Variants in MEOX1 observed in about 807,000 individuals in gnomAD.
MEOX1 encodes mesenchyme homeobox 1, also known as homeobox protein MOX-1.
In MEOX1, 17 loss-of-function variants were observed where a neutral mutation model predicts 23.2. That is an observed-to-expected ratio of 0.73 (90% CI 0.50 to 1.10). The LOEUF is 1.10. Ranked by LOEUF, MEOX1 falls within the 50% of genes least tolerant of loss-of-function variation. MEOX1 has a pLI of 0.00. For missense variants in MEOX1, 333 were observed against 332.2 expected (o/e 1.00, Z -0.02); for synonymous variants, 134 against 135.1 (o/e 0.99, Z 0.06).
intron 1 of MEOX1, among the ~76,000 whole-genome samples, chr17:43,644,907 C>G (rs1043575986): frequency 6.6e-6 from 1 of 152,032 alleles, no homozygotes; most frequent in African/African-American, 2.4e-5. Flanking sequence ...CAGAGCAAGA[C>G]TACGTCTTGA....
At chr17:43,656,262 A>G (rs1348679750) in intron 1 of MEOX1, among the ~76,000 whole-genome samples, 1 of 152,186 alleles carries the variant, frequency 6.6e-6, no homozygotes, top group East Asian at 1.9e-4. Context: ...TAGGACTTCA[A>G]CAGGCAGAAG....
chr17:43,652,612 AG>A (rs1972937414), intron 1 of MEOX1, among the ~76,000 whole-genome samples: 1 of 152,148 alleles, frequency 6.6e-6, no homozygotes, highest in South Asian at 2.1e-4. Context: ...CCACACAGCC[AG>A]GAAGTTGTGG....
intron 1 of MEOX1, among the ~76,000 whole-genome samples, chr17:43,654,563 G>A (rs1972978059): frequency 6.6e-6 from 1 of 152,032 alleles, no homozygotes; most frequent in African/African-American, 2.4e-5. Flanking sequence ...GTTCACACCT[G>A]TAATCCTAGC....
chr17:43,655,805 A>T (rs1433679263), intron 1 of MEOX1, among the ~76,000 whole-genome samples: 1 of 152,200 alleles, frequency 6.6e-6, no homozygotes, highest in Non-Finnish European at 1.5e-5. Context: ...AAGGTATCTA[A>T]AATAGTCAAA....
intron 1 of MEOX1, among the ~76,000 whole-genome samples, chr17:43,658,197 C>T (rs537232395): frequency 6.6e-6 from 1 of 152,324 alleles, no homozygotes; most frequent in Admixed American, 6.5e-5. Context: ...AGGGCATGCC[C>T]AACCCCTCTG....
intron 2 of MEOX1, 52 bp from the exon 3 acceptor site, chr17:43,642,084 T>A: frequency 6.4e-7 from 1 of 1,568,396 alleles, no homozygotes; most frequent in Non-Finnish European, 8.6e-7. Context: ...TGTGACCTCC[T>A]CCCCATGTCA....
rs1973145424 is a variant in MEOX1, at chr17:43,661,583, A to AAAAT, written c.-50_-49insATTT. 9.5e-7 allele frequency: 1 copy of AAAAT among 1,057,904 alleles called. No homozygotes were observed. The highest frequency in any genetic ancestry group is 1.2e-6 in the Non-Finnish European group (1 of 804,962). The allele number at this position is 1,057,904 out of a possible 1,614,324, so 65.5% of individuals were successfully genotyped here. A position where few individuals can be genotyped will look rare whatever the true frequency, so the allele number is the denominator to read the frequency against. ...TCCTTTCAAAGATTTGATTCTTTAT[A>AAAAT]CTTTTTATGTTCAAATTTTTAAAAA... On this transcript the variant is annotated 5_prime_UTR_variant, in exon 1 of 3. Transcript: ENST00000318579.
chr17:43,645,528 T>C (rs1972791318), intron 1 of MEOX1, among the ~76,000 whole-genome samples: 2 of 152,170 alleles, frequency 1.3e-5, no homozygotes, highest in Admixed American at 1.3e-4. Context: ...TGAGGTGCTT[T>C]ACCGAAACCT....
intron 1 of MEOX1, among the ~76,000 whole-genome samples, chr17:43,659,797 T>C (rs1182003026): frequency 6.6e-6 from 1 of 152,216 alleles, no homozygotes; most frequent in East Asian, 1.9e-4. Context: ...CAGTATCCCA[T>C]GGCACCTTAA....
chr17:43,649,786 A>G (rs1285484871), intron 1 of MEOX1, among the ~76,000 whole-genome samples: 1 of 152,182 alleles, frequency 6.6e-6, no homozygotes, highest in Non-Finnish European at 1.5e-5. Flanking sequence ...ATTAGGAAGG[A>G]GTTGCCCCAC....
chr17:43,650,505 G>C (rs1972893921), intron 1 of MEOX1, among the ~76,000 whole-genome samples: 1 of 152,190 alleles, frequency 6.6e-6, no homozygotes, highest in Non-Finnish European at 1.5e-5. Flanking sequence ...ACCAGTCTAG[G>C]GCTATAGCCT....
chr17:43,651,546 A>G (rs1972916484), intron 1 of MEOX1, among the ~76,000 whole-genome samples: 1 of 133,800 alleles, frequency 7.5e-6, no homozygotes, highest in South Asian at 2.2e-4. Flanking sequence ...CAAGAAAAAC[A>G]AGGGGGAAAA....
intron 1 of MEOX1, among the ~76,000 whole-genome samples, chr17:43,644,141 A>G (rs530810379): frequency 5.9e-5 from 9 of 152,182 alleles, no homozygotes; most frequent in Non-Finnish European, 1.2e-4. Flanking sequence ...TGGGGATGGC[A>G]CTCAGCAATC....
chr17:43,641,944 T>A lies in MEOX1; in HGVS notation c.731A>T (p.Asp244Val). ...ACTTGGAGAGGCTGTGGAGTCCCCATCCTCAGGGTCCTGCCCATTGGGGGA... is the reference window on the plus strand; with the variant it reads ...ACTTGGAGAGGCTGTGGAGTCCCCAACCTCAGGGTCCTGCCCATTGGGGGA... ...PISPNGQDPE[D>V]GDSTASPSSE The change falls in exon 3 of 3, where the codon GAT becomes GTT. Residue 244 changes from aspartate to valine, a missense_variant. By Grantham distance (152) the Asp-to-Val change is radical (BLOSUM62 -3). Coordinates refer to ENST00000318579, the MANE Select transcript of MEOX1 (RefSeq NM_004527.4). 2 of 1,613,942 alleles carry A rather than the reference T, an allele frequency of 1.2e-6. No individual in the cohort carries two copies.
At chr17:43,657,036 T>TTCTTTCTTTCTC (rs1973039469) in intron 1 of MEOX1, among the ~76,000 whole-genome samples, 1 of 139,456 alleles carries the variant, frequency 7.2e-6, no homozygotes, top group East Asian at 2.1e-4. Flanking sequence ...CTTTCTTTCT[T>TTCTTTCTTTCTC]TCTTTCTTTC....
chr17:43,643,692 T>G (rs751363429), intron 1 of MEOX1, 32 bp from the exon 2 acceptor site: 7 of 1,593,476 alleles, frequency 4.4e-6, no homozygotes, highest in Non-Finnish European at 6.0e-6. Context: ...CAGGAAGACA[T>G]GGGCTGAGGG....
intron 1 of MEOX1, among the ~76,000 whole-genome samples, chr17:43,655,441 A>C (rs1972996162): frequency 6.6e-6 from 1 of 151,806 alleles, no homozygotes; most frequent in South Asian, 2.1e-4. Context: ...ACTGCACTCC[A>C]GCCTGGCAAC....
At position 43,643,501 on chromosome 17, in the gene MEOX1, A is replaced by G; in HGVS notation, c.629T>C (p.Leu210Pro). ...CCGGGGGCGCACCTGGCGCTCAGAG[A>G]GGTCCAGGTTTACCGCAATCTCATA... ...RRYEIAVNLD[L>P]SERQVKVWFQ... Residue 210 changes from leucine to proline, a missense_variant, in exon 2 of 3, where the codon CTC (leucine) becomes CCC (proline). Leu to Pro is a moderately conservative substitution (Grantham distance 98). Transcript: ENST00000318579. 1 of 1,592,720 alleles carries G rather than the reference A, an allele frequency of 6.3e-7. No individual in the cohort carries two copies. Among genetic ancestry groups the G allele is most frequent in the East Asian group, 2.3e-5 (1 of 44,070 alleles).
chr17:43,657,055 TTTCCTTCCTTCC>T (rs1277223376), intron 1 of MEOX1, among the ~76,000 whole-genome samples: 11 of 136,418 alleles, frequency 8.1e-5, no homozygotes, highest in East Asian at 4.2e-4. Context: ...TCTTTCTTTC[TTTCCTTCCTTCC>T]TTCTTTCTTT....
Sources: gnomAD v4.1 joint callset for allele counts (sites outside exome capture counted in the v4.1 genomes callset) on GRCh38, gnomAD v4.1.1 for gene constraint, MANE v1.5 for transcripts, NCBI Gene and HGNC (gene_info 2026-07-23, HGNC 2026-07-21) for gene names.